The following GSK3B variants were observed in gnomAD, a reference collection of about 807,000 sequenced individuals.
The protein encoded by GSK3B is glycogen synthase kinase-3 beta.
In GSK3B, 15 loss-of-function variants were observed where a neutral mutation model predicts 56.4. The ratio of observed to expected loss-of-function variants is 0.27; its 90% CI spans 0.18 to 0.41. The LOEUF is 0.41. Ranked by LOEUF, GSK3B falls within the 10% of genes least tolerant of loss-of-function variation. GSK3B has a pLI of 1.00. For missense variants in GSK3B, 300 were observed against 513.4 expected (o/e 0.58, Z 4.02); for synonymous variants, 181 against 188.9 (o/e 0.96, Z 0.34).
rs577262417 is a variant in GSK3B at position 119,968,552 on chromosome 3, T to C, written c.283-21201A>G. On this transcript the variant is annotated intron_variant, in intron 2 of 10. Coordinates refer to ENST00000264235, the MANE Select transcript of GSK3B (RefSeq NM_001146156.2). ...AACAAGCTAAGGAAGAAAAACAAAC[T>C]GATCATATATATAGATGCTGAAAAA... Among the ~76,000 whole-genome samples the C allele has an allele frequency of 2.7e-3, 415 of 152,292 alleles. 1 individual carries two copies. The highest frequency in any genetic ancestry group is 9.6e-3 in the African/African-American group (400 of 41,554).
chr3:119,904,173 G>A (rs545195453), intron 7 of GSK3B, among the ~76,000 whole-genome samples: 4 of 151,852 alleles, frequency 2.6e-5, no homozygotes, highest in South Asian at 4.2e-4. Context: ...TGTTACTGAA[G>A]TACCTATATG....
At chr3:119,858,767 G>A (rs955085403) in intron 9 of GSK3B, among the ~76,000 whole-genome samples, 3 of 152,104 alleles carry the variant, frequency 2.0e-5, no homozygotes, top group African/African-American at 7.2e-5. Context: ...TTGATTTAAA[G>A]GGAGAGTATG....
At chr3:120,076,257 A>G (rs1243629793) in intron 1 of GSK3B, among the ~76,000 whole-genome samples, 1 of 152,240 alleles carries the variant, frequency 6.6e-6, no homozygotes, top group Admixed American at 6.5e-5. Context: ...CAAAATTCCT[A>G]GAAGAAAACA....
rs752801938 is a variant in GSK3B, at chr3:120,093,898, G to GGAGGGAGGGA, written c.-474_-465dup. On this transcript the variant is annotated 5_prime_UTR_variant, in exon 1 of 11. Transcript: ENST00000264235. Reference sequence around the variant, plus strand: ...GCTTGAAGAGAAAGGGGGATGGGTAGGAGGGAGGGAGAGGGAGGGAGGGGG... The same window carrying GGAGGGAGGGA: ...GCTTGAAGAGAAAGGGGGATGGGTAGGAGGGAGGGAGAGGGAGGGAGAGGGAGGGAGGGGG... 68 of 214,232 alleles carry GGAGGGAGGGA rather than the reference G, an allele frequency of 3.2e-4. No individual in the cohort carries two copies. The highest frequency in any genetic ancestry group is 4.9e-4 in the South Asian group (3 of 6,176). The allele number at this position is 214,232 out of a possible 1,614,324, so 13.3% of individuals were successfully genotyped here.
At chr3:120,064,101 A>T (rs1303173890) in intron 1 of GSK3B, among the ~76,000 whole-genome samples, 3 of 152,106 alleles carry the variant, frequency 2.0e-5, no homozygotes, top group Non-Finnish European at 4.4e-5. Context: ...ATTTTTCACA[A>T]TAACTTCAAA....
intron 10 of GSK3B, among the ~76,000 whole-genome samples, chr3:119,838,851 T>C (rs1181803313): frequency 6.6e-6 from 1 of 152,224 alleles, no homozygotes; most frequent in Middle Eastern, 3.2e-3. Context: ...TAAAGTGGAA[T>C]TACTGAACTA....
Position 119,906,470 on chromosome 3 carries a change from G to A in GSK3B, c.716-618C>T, listed in dbSNP as rs760799819. Among the ~76,000 whole-genome samples the A allele has an allele frequency of 5.4e-4, 82 of 151,932 alleles. No homozygotes were observed. The Middle Eastern group carries it at 0.014, about 25-fold the overall frequency. On this transcript the variant is annotated intron_variant, in intron 6 of 10. Coordinates refer to ENST00000264235, the MANE Select transcript of GSK3B (RefSeq NM_001146156.2). ...TAAGTCAAAATGAAAACCTCAATCC[G>A]GAGAGAAAACTCTAAAAATTAACTC...
At chr3:119,874,431 T>C (rs1409563867) in intron 8 of GSK3B, among the ~76,000 whole-genome samples, 1 of 152,028 alleles carries the variant, frequency 6.6e-6, no homozygotes, top group African/African-American at 2.4e-5. Flanking sequence ...GAATGTAGTA[T>C]CTCTCTTAAA....
intron 2 of GSK3B, among the ~76,000 whole-genome samples, chr3:119,963,623 C>CCCAAAA (rs2057292506): frequency 2.0e-5 from 1 of 49,032 alleles, no homozygotes; most frequent in African/African-American, 1.2e-4. Flanking sequence ...TCTTCTTCCC[C>CCCAAAA]ACAAAAAAAA....
chr3:120,075,013 G>C (rs1304728591), intron 1 of GSK3B, among the ~76,000 whole-genome samples: 2 of 152,164 alleles, frequency 1.3e-5, no homozygotes, highest in East Asian at 1.9e-4. Flanking sequence ...GTATTAGCAA[G>C]TCAAATTCAA....
intron 4 of GSK3B, among the ~76,000 whole-genome samples, chr3:119,922,240 A>G (rs1290946947): frequency 7.7e-6 from 1 of 130,582 alleles, no homozygotes; most frequent in Admixed American, 7.7e-5. Flanking sequence ...GAAGGAAGGA[A>G]GGAAGGAAGG....
chr3:119,869,912 T>C (rs1189881955), intron 8 of GSK3B, among the ~76,000 whole-genome samples: 1 of 152,206 alleles, frequency 6.6e-6, no homozygotes, highest in Non-Finnish European at 1.5e-5. Flanking sequence ...TAGTACTACA[T>C]GCCTACACAG....
At chr3:119,993,032 TG>T (rs2057580208) in intron 2 of GSK3B, among the ~76,000 whole-genome samples, 1 of 130,256 alleles carries the variant, frequency 7.7e-6, no homozygotes, top group Middle Eastern at 4.0e-3. Context: ...GTAAAAAGGA[TG>T]AAAAAAAAAA....
At chr3:119,860,592 G>C (rs544540855) in intron 9 of GSK3B, among the ~76,000 whole-genome samples, 1 of 152,284 alleles carries the variant, frequency 6.6e-6, no homozygotes, top group Non-Finnish European at 1.5e-5. Flanking sequence ...TCATGGTACA[G>C]TAACAAACAT....
chr3:120,062,087 T>C (rs1474947545), intron 1 of GSK3B, among the ~76,000 whole-genome samples: 1 of 152,234 alleles, frequency 6.6e-6, no homozygotes, highest in Non-Finnish European at 1.5e-5. Flanking sequence ...TGTCAGCAAC[T>C]AAGTATTGCA....
Position 120,054,128 on chromosome 3 carries a change from G to A in GSK3B, c.88+39219C>T, listed in dbSNP as rs572228666. ...TCAGCATTATCTAAAAAATACCTTA[G>A]AACAATTTTTACAAAAAGAGCAAAC... On this transcript the variant is annotated intron_variant, in intron 1 of 10. Coordinates refer to ENST00000264235, the MANE Select transcript of GSK3B (RefSeq NM_001146156.2). Among the ~76,000 whole-genome samples, 34 of 152,210 alleles carry A rather than the reference G, an allele frequency of 2.2e-4. No individual in the cohort carries two copies. In the South Asian group the frequency reaches 6.6e-3, roughly 30 times the overall value.
At chr3:120,057,654 G>T (rs1488468166) in intron 1 of GSK3B, among the ~76,000 whole-genome samples, 1 of 152,098 alleles carries the variant, frequency 6.6e-6, no homozygotes, top group African/African-American at 2.4e-5. Context: ...ACTCATTTTA[G>T]TAAAAGATAA....
At chr3:119,898,374 T>A (rs1438309187) in intron 7 of GSK3B, among the ~76,000 whole-genome samples, 1 of 152,162 alleles carries the variant, frequency 6.6e-6, no homozygotes, top group African/African-American at 2.4e-5. Flanking sequence ...GGGGACCATG[T>A]GTAATTGAAA....
intron 6 of GSK3B, among the ~76,000 whole-genome samples, chr3:119,906,996 C>G (rs540037275): frequency 5.3e-5 from 8 of 152,148 alleles, no homozygotes; most frequent in African/African-American, 1.9e-4. Flanking sequence ...GACATCTATT[C>G]TGCAAATATA....
Sources: allele counts gnomAD v4.1 joint callset (sites outside exome capture counted in the v4.1 genomes callset), GRCh38; gene constraint gnomAD v4.1.1; transcripts MANE v1.5; gene names NCBI Gene and HGNC (gene_info 2026-07-23, HGNC 2026-07-21).